MME: variants seen among roughly 807,000 people sequenced by gnomAD.
MME encodes membrane metalloendopeptidase.
In MME, 98 loss-of-function variants were observed where a neutral mutation model predicts 113.2. The observed-to-expected ratio is 0.87, with a 90% CI of 0.74 to 1.02. The LOEUF is 1.02. Ranked by LOEUF, MME falls within the 50% of genes least tolerant of loss-of-function variation. The pLI, the probability that MME is intolerant of heterozygous loss-of-function variation, is 0.00. For synonymous variants in MME, 292 were observed against 300.6 expected (o/e 0.97, Z 0.30); for missense variants, 836 against 896.0 (o/e 0.93, Z 0.86).
chr3:155,084,927 A>C, intron 2 of MME, 132 bp from the exon 3 acceptor site: 1 of 597,248 alleles, frequency 1.7e-6, no homozygotes, highest in Non-Finnish European at 3.0e-6. Flanking sequence ...ACAATGATAT[A>C]TAATGTTCAG....
At chr3:155,057,069 T>C (rs918915070) in intron 1 of MME, among the ~76,000 whole-genome samples, 4 of 152,104 alleles carry the variant, frequency 2.6e-5, no homozygotes, top group Admixed American at 2.0e-4. Context: ...CCAAAAGCAA[T>C]GGCAATAAAA....
intron 15 of MME, 72 bp downstream of exon 15, chr3:155,147,296 G>A (rs1212446861): frequency 1.0e-6 from 1 of 955,498 alleles, no homozygotes; most frequent in Non-Finnish European, 1.7e-6. Flanking sequence ...TTAGCTATGG[G>A]GTGCCTGAAA....
intron 1 of MME, among the ~76,000 whole-genome samples, chr3:155,056,536 C>T (rs1180452386): frequency 6.8e-6 from 1 of 147,590 alleles, no homozygotes; most frequent in Non-Finnish European, 1.5e-5. Context: ...CATAGTATTC[C>T]GTGGTGTATA....
Position 155,118,748 on chromosome 3 carries a change from T to G in MME, c.657T>G (p.Ile219Met), listed in dbSNP as rs200489145. The G allele has an allele frequency of 6.3e-7, 1 of 1,588,054 alleles. No individual in the cohort carries two copies. Among genetic ancestry groups the G allele is most frequent in the South Asian group, 1.1e-5 (1 of 89,764 alleles). ...DKNSVNHVIHIDQPRLGLPSR... is the reference protein window; with the variant it reads ...DKNSVNHVIHMDQPRLGLPSR... ...TCTTTTATGTATATTTTTTATAGAT[T>G]GACCAACCTCGACTTGGCCTCCCTT... The change falls in exon 8 of 23, where the codon ATT (isoleucine) becomes ATG (methionine). Residue 219 changes from isoleucine (I) to methionine (M), a missense_variant and splice_region_variant. Transcript: ENST00000360490.
intron 8 of MME, among the ~76,000 whole-genome samples, chr3:155,132,187 T>A (rs1720196634): frequency 6.6e-6 from 1 of 152,224 alleles, no homozygotes; most frequent in African/African-American, 2.4e-5. Context: ...TCCCTGGGTC[T>A]TGATTGTCAT....
intron 1 of MME, among the ~76,000 whole-genome samples, chr3:155,034,123 G>A (rs4432598): frequency 0.98 from 149,290 of 152,264 alleles, 73,209 homozygotes; most frequent in East Asian, 1. Context: ...CAACTTAACA[G>A]TAAGATGTGA....
chr3:155,141,859 A>G, intron 10 of MME, 132 bp from the exon 11 acceptor site: 1 of 972,570 alleles, frequency 1.0e-6, no homozygotes, highest in Non-Finnish European at 1.5e-6. Context: ...TTTATTTAAA[A>G]ACTGATTGAA....
At chr3:155,104,450 A>G (rs1045196939) in intron 3 of MME, among the ~76,000 whole-genome samples, 2 of 152,208 alleles carry the variant, frequency 1.3e-5, no homozygotes, top group Admixed American at 1.3e-4. Context: ...CCTTTTTAGA[A>G]TTTGATTTCA....
chr3:155,077,781 T>C (rs553034870), upstream of MME, among the ~76,000 whole-genome samples: 3 of 152,036 alleles, frequency 2.0e-5, no homozygotes, highest in Admixed American at 1.3e-4. Context: ...AAAATATTTG[T>C]TCTGGGAAAC....
At chr3:155,044,662 G>C (rs1713485986) in intron 1 of MME, among the ~76,000 whole-genome samples, 1 of 152,058 alleles carries the variant, frequency 6.6e-6, no homozygotes, top group Admixed American at 6.6e-5. Context: ...TTCTTAATTG[G>C]AATGTTTATA....
At chr3:155,152,944 A>G (rs952719089) in intron 16 of MME, among the ~76,000 whole-genome samples, 2 of 152,156 alleles carry the variant, frequency 1.3e-5, no homozygotes, top group African/African-American at 4.8e-5. Context: ...GAAGTCAGGA[A>G]GTCTGCATGT....
chr3:155,036,362 G>A (rs1280775294), intron 1 of MME, among the ~76,000 whole-genome samples: 3 of 152,114 alleles, frequency 2.0e-5, no homozygotes, highest in Non-Finnish European at 4.4e-5. Context: ...AACCATCACT[G>A]GAATCAAGAT....
At chr3:155,168,098 T>C (rs1174721584) in intron 18 of MME, among the ~76,000 whole-genome samples, 1 of 152,228 alleles carries the variant, frequency 6.6e-6, no homozygotes, top group Non-Finnish European at 1.5e-5. Context: ...CAGTGTCCTA[T>C]GAAGGGTCCA....
At chr3:155,173,313 C>T (rs1712184875) in intron 22 of MME, among the ~76,000 whole-genome samples, 1 of 149,224 alleles carries the variant, frequency 6.7e-6, no homozygotes, top group Non-Finnish European at 1.5e-5. Flanking sequence ...TGATCAACAA[C>T]ACCTCTCAGG....
chr3:155,142,205 T>C (rs1721159585), intron 11 of MME, 32 bp from the exon 12 acceptor site: 1 of 1,612,714 alleles, frequency 6.2e-7, no homozygotes, highest in Non-Finnish European at 8.5e-7. Flanking sequence ...CCTCATCTTT[T>C]CTGTTGCTGG....
At position 155,182,022 on chromosome 3, in the gene MME, G is replaced by A. The variant is rs199582557; in HGVS notation, c.*1563G>A. 1 of 152,128 alleles carries A rather than the reference G, an allele frequency of 6.6e-6. No individual in the cohort carries two copies. Among genetic ancestry groups the A allele is most frequent in the Admixed American group, 6.6e-5 (1 of 15,262 alleles). The allele number at this position is 152,128 out of a possible 1,614,324, so 9.4% of individuals were successfully genotyped here. On this transcript the variant is annotated 3_prime_UTR_variant, in exon 23 of 23. Transcript: ENST00000360490. ...ACTTTAACTGAACAATGGCCCTGTA[G>A]CCAGCACCTGTAAGAAACAGAGCAG...
At chr3:155,084,121 A>G in intron 1 of MME, 37 bp from the exon 2 acceptor site, 1 of 1,499,280 alleles carries the variant, frequency 6.7e-7, no homozygotes, top group Non-Finnish European at 9.3e-7. Context: ...TTTTTTATTT[A>G]TTTGTTTTTC....
At chr3:155,135,826 T>G (rs1475110447) in intron 8 of MME, among the ~76,000 whole-genome samples, 1 of 152,180 alleles carries the variant, frequency 6.6e-6, no homozygotes, top group Non-Finnish European at 1.5e-5. Context: ...GTTTTGTAGT[T>G]CTCCTTGTAG....
chr3:155,135,482 C>T (rs528527628), intron 8 of MME, among the ~76,000 whole-genome samples: 2 of 137,506 alleles, frequency 1.5e-5, no homozygotes, highest in East Asian at 4.0e-4. Context: ...CTATCCTGTT[C>T]CATTGGTCTG....
Sources: gnomAD v4.1 joint callset for allele counts (sites outside exome capture counted in the v4.1 genomes callset) on GRCh38, gnomAD v4.1.1 for gene constraint, MANE v1.5 for transcripts, NCBI Gene and HGNC (gene_info 2026-07-23, HGNC 2026-07-21) for gene names.